DPYD: variants seen among roughly 807,000 people sequenced by gnomAD.
The protein encoded by DPYD is dihydropyrimidine dehydrogenase.
DPYD carries 109 observed loss-of-function variants against 116.2 expected under a neutral mutation model. The observed-to-expected ratio is 0.94, with a 90% CI of 0.80 to 1.10. DPYD has a LOEUF of 1.10. DPYD is among the 50% of genes least tolerant of loss of function. The pLI, the probability that DPYD is intolerant of heterozygous loss-of-function variation, is 0.00. For synonymous variants in DPYD, 440 were observed against 432.0 expected, an observed-to-expected ratio of 1.02 and a Z score of -0.23; for missense variants, 1,302 against 1,254.5, an observed-to-expected ratio of 1.04 and a Z score of -0.57.
intron 18 of DPYD, among the ~76,000 whole-genome samples, chr1:97,246,334 T>A (rs143284514): frequency 4.3e-4 from 66 of 152,152 alleles, no homozygotes; most frequent in African/African-American, 1.5e-3. Flanking sequence ...ATAAAAAACA[T>A]GGACAACCCA....
intron 13 of DPYD, among the ~76,000 whole-genome samples, chr1:97,484,279 G>A (rs957679094): frequency 6.6e-6 from 1 of 152,180 alleles, no homozygotes; most frequent in Admixed American, 6.5e-5. Flanking sequence ...ATTCCAGTCT[G>A]GGTGACAGAG....
chr1:97,215,141 T>G (rs2101879615), intron 19 of DPYD, among the ~76,000 whole-genome samples: 1 of 152,306 alleles, frequency 6.6e-6, no homozygotes, highest in East Asian at 1.9e-4. Flanking sequence ...TGCATATGGT[T>G]GTGAATCCTC....
chr1:97,827,053 T>C (rs1478207413), intron 3 of DPYD, among the ~76,000 whole-genome samples: 3 of 152,100 alleles, frequency 2.0e-5, no homozygotes, highest in Admixed American at 2.0e-4. Flanking sequence ...GCAGCTTCTA[T>C]TAAATTTAAT....
intron 8 of DPYD, among the ~76,000 whole-genome samples, chr1:97,661,375 T>C (rs1330296002): frequency 1.3e-5 from 2 of 152,186 alleles, no homozygotes; most frequent in African/African-American, 4.8e-5. Flanking sequence ...TATTCGGCAT[T>C]ATGGAAACAT....
At chr1:97,612,812 G>A (rs1226143796) in intron 8 of DPYD, among the ~76,000 whole-genome samples, 1 of 151,922 alleles carries the variant, frequency 6.6e-6, no homozygotes, top group Non-Finnish European at 1.5e-5. Flanking sequence ...TGCCCCCAGT[G>A]CTGAGCAAGA....
intron 2 of DPYD, among the ~76,000 whole-genome samples, chr1:97,852,177 G>C (rs529801238): frequency 3.7e-4 from 56 of 152,102 alleles, no homozygotes; most frequent in African/African-American, 1.3e-3. Context: ...TAAAAAATCA[G>C]AAATCCTTAC....
chr1:97,751,458 GTGTATATATATATATATATATATATATA>G (rs1260734705), intron 3 of DPYD, among the ~76,000 whole-genome samples: 1 of 22,048 alleles, frequency 4.5e-5, no homozygotes, highest in Non-Finnish European at 8.6e-5. Flanking sequence ...GTGTGTGTGT[GTGTATATATATATATATATATATATATA>G]TATATATATG....
In DPYD at chr1:97,152,573, CAGAT is replaced by C. The variant is rs1289489346; in HGVS notation, c.2622+40492_2622+40495del. Among the ~76,000 whole-genome samples the C allele has an allele frequency of 7.3e-5, 11 of 150,908 alleles. No individual in the cohort carries two copies. In the East Asian group the frequency reaches 9.7e-4, roughly 13 times the overall value. On this transcript the variant is annotated intron_variant, in intron 20 of 22. Coordinates refer to ENST00000370192, the MANE Select transcript of DPYD (RefSeq NM_000110.4). Reference sequence around the variant, plus strand: ...AATATTAATGTCACGTAAAAATACACAGATACCCATATTTAATAATTTTTAAAAT... The same window carrying C: ...AATATTAATGTCACGTAAAAATACACACCCATATTTAATAATTTTTAAAAT...
At chr1:97,724,546 C>T (rs1663126749) in intron 4 of DPYD, among the ~76,000 whole-genome samples, 1 of 151,310 alleles carries the variant, frequency 6.6e-6, no homozygotes, top group Non-Finnish European at 1.5e-5. Flanking sequence ...GGGGAGAAAG[C>T]CAATGTTTCA....
At chr1:97,160,458 A>G (rs1007839633) in intron 20 of DPYD, among the ~76,000 whole-genome samples, 1 of 152,038 alleles carries the variant, frequency 6.6e-6, no homozygotes, top group Non-Finnish European at 1.5e-5. Context: ...TTAATATACT[A>G]CCTGAAAAAT....
intron 8 of DPYD, among the ~76,000 whole-genome samples, chr1:97,635,446 C>T (rs1472022508): frequency 1.3e-5 from 2 of 152,122 alleles, no homozygotes; most frequent in Non-Finnish European, 1.5e-5. Context: ...CCCTCAGTGG[C>T]TCCGCCATGG....
At chr1:97,691,819 A>G in intron 6 of DPYD, 21 bp from the exon 7 acceptor site, 8 of 1,602,858 alleles carry the variant, frequency 5.0e-6, no homozygotes, top group Non-Finnish European at 6.0e-6. Context: ...AGGAGAAAGA[A>G]AAACAGGCAT....
intron 21 of DPYD, among the ~76,000 whole-genome samples, chr1:97,090,594 C>A (rs112448793): frequency 6.6e-6 from 1 of 152,274 alleles, no homozygotes; most frequent in East Asian, 1.9e-4. Flanking sequence ...CACAATTACC[C>A]AAGGCAGAAC....
intron 18 of DPYD, among the ~76,000 whole-genome samples, chr1:97,287,363 C>T (rs970630657): frequency 1.3e-5 from 2 of 152,308 alleles, no homozygotes; most frequent in African/African-American, 4.8e-5. Flanking sequence ...AGTTAGGCTG[C>T]TCGGGGGTCA....
intron 14 of DPYD, among the ~76,000 whole-genome samples, chr1:97,383,231 C>T (rs1317211523): frequency 6.6e-6 from 1 of 152,014 alleles, no homozygotes; most frequent in African/African-American, 2.4e-5. Flanking sequence ...AATCCCAATA[C>T]TTTGGGAGGC....
intron 13 of DPYD, among the ~76,000 whole-genome samples, chr1:97,466,637 C>T (rs1478148082): frequency 8.6e-5 from 13 of 151,864 alleles, no homozygotes; most frequent in Admixed American, 7.2e-4. Context: ...AATGAGAGAA[C>T]CTTTTTCAAA....
chr1:97,248,303 C>T (rs572193058), intron 18 of DPYD, among the ~76,000 whole-genome samples: 5 of 152,258 alleles, frequency 3.3e-5, no homozygotes, highest in Middle Eastern at 3.4e-3. Context: ...GTCTTTCCTG[C>T]GCTGTTCTTG....
chr1:97,475,920 T>C (rs1677935733), intron 13 of DPYD, among the ~76,000 whole-genome samples: 1 of 152,198 alleles, frequency 6.6e-6, no homozygotes. Flanking sequence ...ACTCACTGGA[T>C]ACCTATACAT....
chr1:97,607,712 C>G (rs963721589), intron 8 of DPYD, among the ~76,000 whole-genome samples: 2 of 151,702 alleles, frequency 1.3e-5, no homozygotes, highest in African/African-American at 4.8e-5. Context: ...AAGCGGCATG[C>G]TGGAAGTCAA....
Sources: allele counts gnomAD v4.1 joint callset (sites outside exome capture counted in the v4.1 genomes callset), GRCh38; gene constraint gnomAD v4.1.1; transcripts MANE v1.5; gene names NCBI Gene and HGNC (gene_info 2026-07-23, HGNC 2026-07-21).